Variants in PIAS2 observed in about 807,000 individuals in gnomAD.
The protein encoded by PIAS2 is E3 SUMO-protein ligase PIAS2.
In PIAS2, 19 loss-of-function variants were observed where a neutral mutation model predicts 69.7. That is an observed-to-expected ratio of 0.27 (90% CI 0.19 to 0.40). PIAS2 has a LOEUF of 0.40. Ranked by LOEUF, PIAS2 falls within the 10% of genes least tolerant of loss-of-function variation. The pLI is 1.00. For missense variants in PIAS2, 624 were observed against 757.0 expected (o/e 0.82, Z 2.06); for synonymous variants, 261 against 263.2 (o/e 0.99, Z 0.08).
intron 2 of PIAS2, among the ~76,000 whole-genome samples, chr18:46,875,438 TC>T (rs1448542428): frequency 6.6e-6 from 1 of 152,102 alleles, no homozygotes; most frequent in Non-Finnish European, 1.5e-5. Context: ...TTATAGATAA[TC>T]CCCAAACAAT....
chr18:46,903,422 T>G (rs566355208), intron 1 of PIAS2: 1 of 151,008 alleles, frequency 6.6e-6, no homozygotes, highest in African/African-American at 2.4e-5. Flanking sequence ...ATGTCATGGA[T>G]TGGGATATAC....
intron 1 of PIAS2, among the ~76,000 whole-genome samples, chr18:46,910,047 T>G (rs1167903059): frequency 3.3e-5 from 5 of 151,936 alleles, no homozygotes. Flanking sequence ...TCCCGGCTAC[T>G]CGGGAGGCTG....
At chr18:46,812,856 A>G (rs1599239212) in intron 13 of PIAS2, among the ~76,000 whole-genome samples, 1 of 152,164 alleles carries the variant, frequency 6.6e-6, no homozygotes, top group Non-Finnish European at 1.5e-5. Flanking sequence ...TTTGCTGACC[A>G]CATACAAAGG....
chr18:46,831,552 AAAG>A (rs1193990548), intron 9 of PIAS2, among the ~76,000 whole-genome samples: 14 of 152,244 alleles, frequency 9.2e-5, no homozygotes, highest in African/African-American at 2.4e-4. Flanking sequence ...TAATTTTGAA[AAAG>A]AAGAACAAAG....
intron 5 of PIAS2, among the ~76,000 whole-genome samples, chr18:46,848,485 C>T (rs532337688): frequency 1.0e-3 from 154 of 152,202 alleles, no homozygotes; most frequent in Middle Eastern, 3.4e-3. Flanking sequence ...TTCTGGATTT[C>T]GGCAATGCTA....
chr18:46,837,233 T>C (rs1283418870), intron 8 of PIAS2, among the ~76,000 whole-genome samples: 1 of 152,184 alleles, frequency 6.6e-6, no homozygotes, highest in Non-Finnish European at 1.5e-5. Context: ...TACATGTGTA[T>C]TAACATGCTT....
At chr18:46,911,303 C>T (rs926169258) in intron 1 of PIAS2, among the ~76,000 whole-genome samples, 2 of 151,718 alleles carry the variant, frequency 1.3e-5, no homozygotes, top group African/African-American at 4.8e-5. Context: ...GCAACCTCCA[C>T]CTCCCGGGTT....
At chr18:46,820,282 A>G (rs2042025906) in intron 12 of PIAS2, among the ~76,000 whole-genome samples, 1 of 152,162 alleles carries the variant, frequency 6.6e-6, no homozygotes, top group South Asian at 2.1e-4. Context: ...TTTTATTATT[A>G]GTTATTGCTG....
chr18:46,892,301 A>G (rs2054185998), intron 1 of PIAS2, among the ~76,000 whole-genome samples: 1 of 152,184 alleles, frequency 6.6e-6, no homozygotes. Context: ...TGCCAAAGTA[A>G]TCCATATACA....
chr18:46,858,451 G>A (rs1382780444), intron 3 of PIAS2, among the ~76,000 whole-genome samples: 3 of 152,166 alleles, frequency 2.0e-5, no homozygotes, highest in Non-Finnish European at 2.9e-5. Context: ...AGTGGCTCAC[G>A]CCTGTAATCC....
intron 3 of PIAS2, among the ~76,000 whole-genome samples, chr18:46,856,005 T>TG (rs2047724263): frequency 2.5e-5 from 3 of 117,764 alleles, no homozygotes; most frequent in Admixed American, 8.2e-5. Flanking sequence ...TTGTTTTTTT[T>TG]TTTTTTTTTT....
In PIAS2 at chr18:46,893,845, G is replaced by T. The variant is rs370750516; in HGVS notation, c.25-2791C>A. The stretch of plus-strand genomic sequence containing the variant: ...ACCCCCCAAAAAAATCCCTCTCCTT[G>T]GCCAGGCACAGTGGCTCACGCTTAT... On this transcript the variant is annotated intron_variant, in intron 1 of 13. Transcript: ENST00000585916. 6.6e-5 allele frequency among the ~76,000 whole-genome samples: 10 copies of T among 152,108 alleles called. No homozygotes were observed. The East Asian group carries it at 9.6e-4, about 15-fold the overall frequency.
At chr18:46,844,637 T>C in intron 7 of PIAS2, 97 bp downstream of exon 7, 1 of 430,936 alleles carries the variant, frequency 2.3e-6, no homozygotes, top group East Asian at 3.5e-5. Context: ...TATATACTAA[T>C]ATATTGATGT....
chr18:46,916,379 C>T (rs149338799), intron 1 of PIAS2, among the ~76,000 whole-genome samples: 115 of 150,888 alleles, frequency 7.6e-4, no homozygotes, highest in African/African-American at 2.7e-3. Flanking sequence ...TTCAAGTTTA[C>T]ACTCATCTCT....
chr18:46,913,373 A>G lies in PIAS2; in HGVS notation c.24+3949T>C, dbSNP rs77653126. Among the ~76,000 whole-genome samples, 129 of 152,166 alleles carry G rather than the reference A, an allele frequency of 8.5e-4. 2 individuals are homozygous for G. The East Asian group carries it at 0.025, about 29-fold the overall frequency. On this transcript the variant is annotated intron_variant, in intron 1 of 13. Coordinates refer to ENST00000585916, the MANE Select transcript of PIAS2 (RefSeq NM_004671.5). ...CTGATCTTCGAATTATGACACAACA[A>G]ATTTACCCAGTTTGGTAAATGTTCT... is the stretch of plus-strand genomic sequence containing the variant.
At chr18:46,861,055 G>A (rs1036424017) in intron 3 of PIAS2, among the ~76,000 whole-genome samples, 4 of 151,956 alleles carry the variant, frequency 2.6e-5, no homozygotes, top group South Asian at 2.1e-4. Flanking sequence ...CGAGGCAGGC[G>A]GATCACCTGA....
At chr18:46,903,456 A>G (rs766921759) in intron 1 of PIAS2, 8 of 151,796 alleles carry the variant, frequency 5.3e-5, no homozygotes, top group Non-Finnish European at 7.4e-5. Context: ...GCACATAAAA[A>G]TATGTTCAGC....
chr18:46,849,527 G>A (rs553311366), intron 5 of PIAS2, among the ~76,000 whole-genome samples: 28 of 152,116 alleles, frequency 1.8e-4, no homozygotes, highest in Non-Finnish European at 3.1e-4. Context: ...AAGGCCACTG[G>A]ACAGCACCAG....
chr18:46,822,178 A>G (rs536555209), intron 11 of PIAS2, among the ~76,000 whole-genome samples: 2 of 152,354 alleles, frequency 1.3e-5, no homozygotes, highest in African/African-American at 4.8e-5. Context: ...AAACTATTTC[A>G]TAACCTCAAT....
Sources: allele counts gnomAD v4.1 joint callset (sites outside exome capture counted in the v4.1 genomes callset), GRCh38; gene constraint gnomAD v4.1.1; transcripts MANE v1.5; gene names NCBI Gene and HGNC (gene_info 2026-07-23, HGNC 2026-07-21).